Variants in SEC24D observed in about 807,000 individuals in gnomAD.
The protein encoded by SEC24D is SEC24 homolog D, COPII component.
SEC24D carries 69 observed loss-of-function variants against 116.9 expected under a neutral mutation model. That is an observed-to-expected ratio of 0.59 (90% CI 0.49 to 0.72). SEC24D has a LOEUF of 0.72. SEC24D is among the 30% of genes least tolerant of loss of function. SEC24D has a pLI of 0.00. For missense variants in SEC24D, 1,131 were observed against 1,264.1 expected, an observed-to-expected ratio of 0.89 and a Z score of 1.60; for synonymous variants, 405 against 442.8, an observed-to-expected ratio of 0.91 and a Z score of 1.07.
In SEC24D at chr4:118,812,553, C is replaced by T. The variant is rs143208002; in HGVS notation, c.801+2475G>A. On this transcript the variant is annotated intron_variant, in intron 6 of 22. Transcript: ENST00000280551. ...AGCGAGAGGACGTGGAGGGAGAATG[C>T]CAGTGGAAGAGCACACTGACAGACA... is the stretch of plus-strand genomic sequence containing the variant. Among the ~76,000 whole-genome samples the T allele has an allele frequency of 3.8e-3, 571 of 152,186 alleles. 4 individuals carry two copies. Among genetic ancestry groups the T allele is most frequent in the African/African-American group, 0.013 (535 of 41,530 alleles).
intron 2 of SEC24D, chr4:118,825,522 C>A (rs1371423519): frequency 4.4e-6 from 2 of 451,854 alleles, no homozygotes; most frequent in Non-Finnish European, 8.8e-6. Flanking sequence ...AGAGAAATCA[C>A]TGGGCTTGGG....
intron 6 of SEC24D, among the ~76,000 whole-genome samples, chr4:118,811,295 T>C (rs1289720499): frequency 6.6e-6 from 1 of 152,234 alleles, no homozygotes; most frequent in Non-Finnish European, 1.5e-5. Flanking sequence ...AGGATATTTA[T>C]ATTCTGACGA....
At chr4:118,734,146 A>G (rs1486749608) in intron 19 of SEC24D, among the ~76,000 whole-genome samples, 2 of 149,870 alleles carry the variant, frequency 1.3e-5, no homozygotes, top group African/African-American at 4.9e-5. Context: ...ATACGAGATA[A>G]TAACTTGCAA....
chr4:118,741,695 C>T (rs758923825), intron 15 of SEC24D, among the ~76,000 whole-genome samples: 4 of 152,160 alleles, frequency 2.6e-5, no homozygotes, highest in African/African-American at 9.7e-5. Flanking sequence ...GAGACACTGA[C>T]GCACGCATCT....
At chr4:118,727,829 T>G (rs1479955637) in intron 22 of SEC24D, among the ~76,000 whole-genome samples, 1 of 152,124 alleles carries the variant, frequency 6.6e-6, no homozygotes, top group Non-Finnish European at 1.5e-5. Context: ...AGTTGATGTT[T>G]GCATGCATGA....
chr4:118,746,816 AAGAG>A (rs1726562152), intron 13 of SEC24D, among the ~76,000 whole-genome samples: 1 of 151,970 alleles, frequency 6.6e-6, no homozygotes, highest in African/African-American at 2.4e-5. Flanking sequence ...CTTAAAAACA[AAGAG>A]AGAGAATTCA....
At chr4:118,792,636 T>C (rs942310390) in intron 8 of SEC24D, among the ~76,000 whole-genome samples, 14 of 152,302 alleles carry the variant, frequency 9.2e-5, no homozygotes, top group Middle Eastern at 3.4e-3. Context: ...CCACTAAGTG[T>C]TAAATGGATT....
chr4:118,741,163 T>C (rs1726208897), intron 15 of SEC24D, 126 bp from the exon 16 acceptor site: 1 of 496,132 alleles, frequency 2.0e-6, no homozygotes, highest in African/African-American at 2.0e-5. Flanking sequence ...TTTTTTATTA[T>C]ATATTATGCT....
chr4:118,753,107 C>T (rs956157677), intron 11 of SEC24D, among the ~76,000 whole-genome samples: 3 of 152,026 alleles, frequency 2.0e-5, no homozygotes, highest in African/African-American at 7.2e-5. Context: ...AAAAAATCCT[C>T]AAAATTCTAG....
chr4:118,729,796 C>T (rs1340974858), intron 21 of SEC24D: 8 of 152,186 alleles, frequency 5.3e-5, no homozygotes, highest in Admixed American at 5.2e-4. Flanking sequence ...CACCATAAAC[C>T]TCAAGTGTCA....
At chr4:118,783,244 C>A (rs1728510360) in intron 8 of SEC24D, among the ~76,000 whole-genome samples, 2 of 152,088 alleles carry the variant, frequency 1.3e-5, no homozygotes, top group Admixed American at 1.3e-4. Flanking sequence ...TGGAACAGAC[C>A]CCTGAGGGTC....
At chr4:118,798,561 T>C (rs1484696139) in intron 7 of SEC24D, among the ~76,000 whole-genome samples, 2 of 152,240 alleles carry the variant, frequency 1.3e-5, no homozygotes, top group East Asian at 3.8e-4. Context: ...GTTCACTGAA[T>C]GTCTAAGACA....
intron 19 of SEC24D, among the ~76,000 whole-genome samples, chr4:118,733,675 A>T (rs566202786): frequency 2.6e-5 from 4 of 152,338 alleles, no homozygotes; most frequent in East Asian, 1.9e-4. Context: ...GAAATGCTTC[A>T]TGCATTTAGA....
intron 10 of SEC24D, among the ~76,000 whole-genome samples, chr4:118,761,436 A>G (rs1466361728): frequency 6.6e-6 from 1 of 152,234 alleles, no homozygotes; most frequent in Non-Finnish European, 1.5e-5. Context: ...CAAAGATACA[A>G]TGCTGGACCC....
chr4:118,787,344 G>T (rs532274423), intron 8 of SEC24D, among the ~76,000 whole-genome samples: 69 of 152,162 alleles, frequency 4.5e-4, no homozygotes, highest in African/African-American at 1.6e-3. Flanking sequence ...AATAAATTCT[G>T]GCTTTTGAAG....
chr4:118,818,690 G>A (rs938573030), intron 3 of SEC24D, among the ~76,000 whole-genome samples: 5 of 151,802 alleles, frequency 3.3e-5, no homozygotes, highest in South Asian at 2.1e-4. Context: ...ATCGGTAGCC[G>A]GAATTGACTT....
chr4:118,750,063 T>A (rs1301750578), intron 13 of SEC24D, among the ~76,000 whole-genome samples: 1 of 152,152 alleles, frequency 6.6e-6, no homozygotes, highest in Non-Finnish European at 1.5e-5. Flanking sequence ...TGCATTACTA[T>A]AACAATAAAA....
intron 3 of SEC24D, among the ~76,000 whole-genome samples, chr4:118,823,050 C>G (rs1730461135): frequency 6.6e-6 from 1 of 152,188 alleles, no homozygotes; most frequent in Non-Finnish European, 1.5e-5. Context: ...AAAATGAGGA[C>G]AGGCATGGTC....
At chr4:118,801,745 T>C (rs1385175804) in intron 7 of SEC24D, among the ~76,000 whole-genome samples, 1 of 152,178 alleles carries the variant, frequency 6.6e-6, no homozygotes, top group African/African-American at 2.4e-5. Context: ...GCTCTAAAGG[T>C]GACTAAACAA....
Sources: allele counts gnomAD v4.1 joint callset (sites outside exome capture counted in the v4.1 genomes callset), GRCh38; gene constraint gnomAD v4.1.1; transcripts MANE v1.5; gene names NCBI Gene and HGNC (gene_info 2026-07-23, HGNC 2026-07-21).